PITPNB: variants seen among roughly 807,000 people sequenced by gnomAD.
PITPNB encodes phosphatidylinositol transfer protein beta isoform.
A neutral mutation model predicts 45.9 loss-of-function variants in PITPNB; 16 were observed. The observed-to-expected ratio is 0.35, with a 90% CI of 0.24 to 0.53. PITPNB has a LOEUF of 0.53. Ranked by LOEUF, PITPNB falls within the 20% of genes least tolerant of loss-of-function variation. The pLI, the probability that PITPNB is intolerant of heterozygous loss-of-function variation, is 0.93. For synonymous variants in PITPNB, 112 were observed against 108.9 expected (o/e 1.03, Z -0.18); for missense variants, 188 against 330.5 (o/e 0.57, Z 3.34).
intron 8 of PITPNB, among the ~76,000 whole-genome samples, chr22:27,865,404 T>C (rs764079772): frequency 2.0e-5 from 3 of 152,236 alleles, no homozygotes; most frequent in African/African-American, 7.2e-5. Context: ...AGATCTTTAA[T>C]ACGTAACTTT....
rs1478855539 is a variant in PITPNB at position 27,851,771 on chromosome 22, A to G, written c.*1931T>C. ...CAAGTAAACTAGGTATTTTACATTC[A>G]CCACACATTCCCTCAAATCTCCACA... On this transcript the variant is annotated 3_prime_UTR_variant, in exon 12 of 12. Coordinates refer to ENST00000335272, the MANE Select transcript of PITPNB (RefSeq NM_012399.5). The G allele has an allele frequency of 9.9e-5, 15 of 152,190 alleles. No homozygotes were observed. Among genetic ancestry groups the G allele is most frequent in the Non-Finnish European group, 1.5e-4 (10 of 68,040 alleles). The allele number at this position is 152,190 out of a possible 1,614,324, so 9.4% of individuals were successfully genotyped here.
intron 7 of PITPNB, among the ~76,000 whole-genome samples, chr22:27,887,512 G>C (rs987369412): frequency 2.0e-5 from 3 of 152,090 alleles, no homozygotes; most frequent in Non-Finnish European, 4.4e-5. Context: ...GAACAAGACA[G>C]ACTCAGCAAA....
At chr22:27,909,950 C>CT (rs544649700) in intron 3 of PITPNB, among the ~76,000 whole-genome samples, 1,760 of 130,276 alleles carry the variant, frequency 0.014, 13 homozygotes, top group African/African-American at 0.019. Context: ...CCACTAATTT[C>CT]TTTTTTTTTT....
chr22:27,880,780 G>A (rs1934948412), intron 7 of PITPNB, among the ~76,000 whole-genome samples: 1 of 152,000 alleles, frequency 6.6e-6, no homozygotes, highest in Non-Finnish European at 1.5e-5. Flanking sequence ...ATGCCACCAT[G>A]CCCAGCTAAT....
rs1205539175 is a variant in PITPNB, at chr22:27,897,028, T to A, written c.297+102A>T. ...GTTGGTGGGACACAGGAAGGAACCATGCAGCGAGGTGCAGTTAGCAAAGAA... is the reference window on the plus strand; with the variant it reads ...GTTGGTGGGACACAGGAAGGAACCAAGCAGCGAGGTGCAGTTAGCAAAGAA... On this transcript the variant is annotated intron_variant, in intron 5 of 11. Transcript: ENST00000335272. 26 of 841,430 alleles carry A rather than the reference T, an allele frequency of 3.1e-5. No homozygotes were observed. The East Asian group carries it at 6.3e-4, about 20-fold the overall frequency. The allele number at this position is 841,430 out of a possible 1,614,324, so 52.1% of individuals were successfully genotyped here.
intron 3 of PITPNB, chr22:27,910,307 G>C (rs1306336211): frequency 6.6e-6 from 1 of 152,132 alleles, no homozygotes; most frequent in Non-Finnish European, 1.5e-5. Flanking sequence ...TGTTGCCCAG[G>C]CTGGTGTCGA....
chr22:27,854,133 G>A (rs990815866), intron 11 of PITPNB, among the ~76,000 whole-genome samples: 2 of 151,916 alleles, frequency 1.3e-5, no homozygotes, highest in African/African-American at 2.4e-5. Context: ...GCTACATCTC[G>A]TTCTCTTTAT....
At chr22:27,881,701 G>C (rs572622033) in intron 7 of PITPNB, among the ~76,000 whole-genome samples, 11 of 152,332 alleles carry the variant, frequency 7.2e-5, no homozygotes, top group African/African-American at 2.6e-4. Flanking sequence ...AGCAGCAGCA[G>C]TTGGAACAAA....
chr22:27,875,836 G>C (rs1407971498), intron 7 of PITPNB, among the ~76,000 whole-genome samples: 1 of 152,156 alleles, frequency 6.6e-6, no homozygotes, highest in Admixed American at 6.5e-5. Flanking sequence ...AATCAGTCTA[G>C]TTGGGATAAA....
Position 27,881,785 on chromosome 22 carries a change from A to G in PITPNB, c.457-7970T>C, listed in dbSNP as rs1934980872. On this transcript the variant is annotated intron_variant, in intron 7 of 11. Transcript: ENST00000335272. ...AAAAGGACTGCTGACCATTTAGGGT[A>G]TCATCTACCAAAAATTAATTTGGAG... is the stretch of plus-strand genomic sequence containing the variant. Among the ~76,000 whole-genome samples the G allele has an allele frequency of 4.6e-5, 7 of 152,242 alleles. No homozygotes were observed. In the South Asian group the frequency reaches 1.4e-3, roughly 31 times the overall value.
chr22:27,897,892 G>A lies in PITPNB; in HGVS notation c.198C>T (p.Ser66=), dbSNP rs751915158. 6.2e-7 allele frequency: 1 copy of A among 1,605,294 alleles called. No homozygotes were observed. The highest frequency in any genetic ancestry group is 1.1e-5 in the South Asian group (1 of 90,898). The change falls in exon 4 of 12, where the codon AGC becomes AGT. Residue 66 remains serine, a splice_region_variant and synonymous_variant. Coordinates refer to ENST00000335272, the MANE Select transcript of PITPNB (RefSeq NM_012399.5). ...TCATCCTCACGAATGCAGGCACTTT[G>A]CTGGGAGAAGAGAGATACTGGATAT... is the stretch of plus-strand genomic sequence containing the variant. The part of the protein sequence containing the change: ...QYTHKIYHLK[S]KVPAFVRMIA...
chr22:27,861,024 GAAAA>G (rs35013749), intron 8 of PITPNB, among the ~76,000 whole-genome samples: 7 of 57,816 alleles, frequency 1.2e-4, no homozygotes, highest in Non-Finnish European at 2.3e-4. Context: ...CCCATTTCTG[GAAAA>G]AAAAAAAAAA....
intron 5 of PITPNB, 149 bp from the exon 6 acceptor site, chr22:27,896,775 T>A: frequency 4.8e-6 from 3 of 623,196 alleles, no homozygotes; most frequent in Non-Finnish European, 5.7e-6. Flanking sequence ...TGGCTACCGA[T>A]TTTTATAGAC....
chr22:27,887,500 C>T (rs1457567126), intron 7 of PITPNB, among the ~76,000 whole-genome samples: 1 of 152,044 alleles, frequency 6.6e-6, no homozygotes, highest in Non-Finnish European at 1.5e-5. Context: ...CTCTGGTCCC[C>T]GGAACAAGAC....
intron 5 of PITPNB, 186 bp downstream of exon 5, chr22:27,896,944 G>A (rs1935449250): frequency 1.6e-6 from 1 of 638,506 alleles, no homozygotes; most frequent in African/African-American, 1.8e-5. Context: ...GGGAGATTTT[G>A]AGACAAGGGT....
chr22:27,898,161 A>G, intron 3 of PITPNB: 1 of 368,710 alleles, frequency 2.7e-6, no homozygotes, highest in Non-Finnish European at 5.2e-6. Flanking sequence ...GGATCACTTG[A>G]GCCCAGGAGT....
chr22:27,883,340 G>T (rs1935027812), intron 7 of PITPNB, among the ~76,000 whole-genome samples: 1 of 152,184 alleles, frequency 6.6e-6, no homozygotes, highest in Non-Finnish European at 1.5e-5. Flanking sequence ...AGTTCCCTGG[G>T]CTACAAATTC....
chr22:27,868,397 AG>A (rs1286932362), intron 8 of PITPNB, among the ~76,000 whole-genome samples: 1 of 152,204 alleles, frequency 6.6e-6, no homozygotes. Flanking sequence ...TCATTATCTT[AG>A]GTCACTGACA....
At chr22:27,886,610 T>C (rs541670065) in intron 7 of PITPNB, among the ~76,000 whole-genome samples, 1 of 152,312 alleles carries the variant, frequency 6.6e-6, no homozygotes, top group East Asian at 1.9e-4. Flanking sequence ...ACAAGAGTGG[T>C]ATACAAGCCA....
Sources: allele counts gnomAD v4.1 joint callset (sites outside exome capture counted in the v4.1 genomes callset), GRCh38; gene constraint gnomAD v4.1.1; transcripts MANE v1.5; gene names NCBI Gene and HGNC (gene_info 2026-07-23, HGNC 2026-07-21).